SPSB1: variants seen among roughly 807,000 people sequenced by gnomAD.
SPSB1 encodes the protein SPRY domain-containing SOCS box protein 1.
A neutral mutation model predicts 21.2 loss-of-function variants in SPSB1; 8 were observed. That is an observed-to-expected ratio of 0.38 (90% CI 0.22 to 0.68). The LOEUF (loss-of-function observed/expected upper bound fraction) is 0.68, where lower values mean the gene tolerates loss of function less well. Ranked by LOEUF, SPSB1 falls within the 30% of genes least tolerant of loss-of-function variation. The pLI is 0.53. For synonymous variants in SPSB1, 169 were observed against 161.7 expected (o/e 1.05, Z -0.34); for missense variants, 242 against 377.8 (o/e 0.64, Z 2.98).
chr1:9,356,652 G>A lies in SPSB1; in HGVS notation c.694+67G>A. ...GTCCCCATGGTCCTGGCTGGGCTCA[G>A]GCCAAAAGTTGATTCATTGGAACTA... is the stretch of plus-strand genomic sequence containing the variant. On this transcript the variant is annotated intron_variant, in intron 2 of 2. Transcript: ENST00000328089. The surrounding 1 kb of genome is among the most constrained non-coding windows in gnomAD (Gnocchi z 7.4). 6.6e-7 allele frequency: 1 copy of A among 1,519,480 alleles called. No homozygotes were observed. Among genetic ancestry groups the A allele is most frequent in the Non-Finnish European group, 8.8e-7 (1 of 1,135,850 alleles). The allele number at this position is 1,519,480 out of a possible 1,614,324, so 94.1% of individuals were successfully genotyped here. A position where few individuals can be genotyped will look rare whatever the true frequency, so the allele number is the denominator to read the frequency against.
intron 1 of SPSB1, among the ~76,000 whole-genome samples, chr1:9,336,381 T>C (rs1011343208): frequency 6.6e-6 from 1 of 152,042 alleles, no homozygotes; most frequent in Non-Finnish European, 1.5e-5. Context: ...CACGCACCAC[T>C]ATGCCCGGCT....
chr1:9,342,443 G>A (rs1334229790), intron 1 of SPSB1, among the ~76,000 whole-genome samples: 1 of 152,234 alleles, frequency 6.6e-6, no homozygotes. Flanking sequence ...GGAGAGCACG[G>A]AGGATCCCAG....
intron 1 of SPSB1, among the ~76,000 whole-genome samples, chr1:9,351,972 C>T (rs1374852349): frequency 6.6e-6 from 1 of 152,190 alleles, no homozygotes; most frequent in South Asian, 2.1e-4. Flanking sequence ...CTGCCCTGCC[C>T]GGGGAAAACG....
intron 1 of SPSB1, among the ~76,000 whole-genome samples, chr1:9,320,332 C>T (rs914382127): frequency 2.0e-5 from 3 of 152,214 alleles, no homozygotes; most frequent in Non-Finnish European, 4.4e-5. Context: ...GTCTGTGTCG[C>T]CTCCTCCATC....
At chr1:9,310,754 T>TG (rs1305685972) in intron 1 of SPSB1, among the ~76,000 whole-genome samples, 1 of 151,260 alleles carries the variant, frequency 6.6e-6, no homozygotes, top group Non-Finnish European at 1.5e-5. Flanking sequence ...CCTCTGCAGA[T>TG]GGGGGTTGGG....
chr1:9,347,726 C>T (rs1384452908), intron 1 of SPSB1, among the ~76,000 whole-genome samples: 4 of 152,076 alleles, frequency 2.6e-5, no homozygotes. Flanking sequence ...GCATCTTCAT[C>T]CTCATGTCCC....
At chr1:9,302,429 A>G (rs565137781) in intron 1 of SPSB1, among the ~76,000 whole-genome samples, 43 of 152,314 alleles carry the variant, frequency 2.8e-4, no homozygotes, top group African/African-American at 1.0e-3. Context: ...GGACACTGGC[A>G]ATTGAGTCAC....
chr1:9,313,791 T>A (rs1209886724), intron 1 of SPSB1, among the ~76,000 whole-genome samples: 3 of 152,194 alleles, frequency 2.0e-5, no homozygotes, highest in African/African-American at 7.2e-5. Context: ...CCTCAGCAGG[T>A]GCTCAGTGAA....
chr1:9,303,667 G>A (rs1032240887), intron 1 of SPSB1, among the ~76,000 whole-genome samples: 6 of 152,218 alleles, frequency 3.9e-5, no homozygotes, highest in Admixed American at 6.5e-5. Flanking sequence ...CCTCTCTGGA[G>A]AAGGGATTAA....
At chr1:9,319,756 G>T (rs1418146330) in intron 1 of SPSB1, among the ~76,000 whole-genome samples, 3 of 152,198 alleles carry the variant, frequency 2.0e-5, no homozygotes, top group African/African-American at 7.2e-5. Flanking sequence ...GGGTACTACA[G>T]GGAAGTCGGC....
intron 1 of SPSB1, among the ~76,000 whole-genome samples, chr1:9,315,742 C>T (rs1277324207): frequency 3.9e-5 from 6 of 152,220 alleles, no homozygotes; most frequent in African/African-American, 1.4e-4. Context: ...GGAGCACAGG[C>T]AGCCCCACCT....
At chr1:9,304,162 T>C (rs570648780) in intron 1 of SPSB1, among the ~76,000 whole-genome samples, 6 of 152,292 alleles carry the variant, frequency 3.9e-5, no homozygotes, top group African/African-American at 1.4e-4. Context: ...CACTCGGATG[T>C]CACAACTCCA....
chr1:9,337,190 A>G (rs1053827115), intron 1 of SPSB1, among the ~76,000 whole-genome samples: 1 of 152,104 alleles, frequency 6.6e-6, no homozygotes, highest in Admixed American at 6.5e-5. Flanking sequence ...GAAACGGTCC[A>G]TTTATGTTAC....
chr1:9,367,418 C>A lies in SPSB1; in HGVS notation c.695-30C>A. 6.2e-7 allele frequency: 1 copy of A among 1,612,774 alleles called. No homozygotes were observed. Among genetic ancestry groups the A allele is most frequent in the Non-Finnish European group, 8.5e-7 (1 of 1,179,946 alleles). On this transcript the variant is annotated intron_variant, in intron 2 of 2. Coordinates refer to ENST00000328089, the MANE Select transcript of SPSB1 (RefSeq NM_025106.4). This position sits in a 1 kb window ranked among gnomAD's most constrained non-coding sequence, Gnocchi z 5.9. ...GTTTGCTGAACACCCACCCAAGCTG[C>A]GCTGACCTGCAGTTTCTCTGTCTCC...
rs1421241726 is a variant in SPSB1, at chr1:9,363,109, T to G, written c.695-4339T>G. Reference sequence around the variant, plus strand: ...CAGCTGAAATGGGGGCTGGGCATTTTTTCACGGCACGAAGCCCACGTCTGT... The same window carrying G: ...CAGCTGAAATGGGGGCTGGGCATTTGTTCACGGCACGAAGCCCACGTCTGT... On this transcript the variant is annotated intron_variant, in intron 2 of 2. Coordinates refer to ENST00000328089, the MANE Select transcript of SPSB1 (RefSeq NM_025106.4). This position sits in a 1 kb window ranked among gnomAD's most constrained non-coding sequence, Gnocchi z 4.5. Among the ~76,000 whole-genome samples the G allele has an allele frequency of 6.6e-6, 1 of 152,172 alleles. No individual in the cohort carries two copies. The highest frequency in any genetic ancestry group is 1.5e-5 in the Non-Finnish European group (1 of 68,032).
rs1458752204 is a variant in SPSB1, at chr1:9,355,985, T to C, written c.94T>C (p.Cys32Arg). 1.2e-6 allele frequency: 2 copies of C among 1,614,096 alleles called. No individual in the cohort carries two copies. Among genetic ancestry groups the C allele is most frequent in the Non-Finnish European group, 1.7e-6 (2 of 1,180,006 alleles). The change falls in exon 2 of 3, where the codon TGC (cysteine) becomes CGC (arginine). Residue 32 changes from cysteine (C) to arginine (R), a missense_variant. Physicochemically the swap from Cys to Arg is radical, Grantham distance 180. Coordinates refer to ENST00000328089, the MANE Select transcript of SPSB1 (RefSeq NM_025106.4). ...GCAGGAGCTCCAGGGTCTGGATTAC[T>C]GCAAGCCCACCCGGCTGGATCTGCT... The part of the protein sequence containing the change: ...LKQELQGLDY[C>R]KPTRLDLLLD...
chr1:9,300,637 G>C (rs1257957878), intron 1 of SPSB1, among the ~76,000 whole-genome samples: 1 of 152,208 alleles, frequency 6.6e-6, no homozygotes, highest in Admixed American at 6.5e-5. Flanking sequence ...CATGTGACCT[G>C]AGCTGCCCAT....
At chr1:9,313,403 A>G (rs551945426) in intron 1 of SPSB1, among the ~76,000 whole-genome samples, 5 of 152,260 alleles carry the variant, frequency 3.3e-5, no homozygotes, top group East Asian at 3.9e-4. Flanking sequence ...ACCGCTCTTC[A>G]TTTTCTATAA....
intron 1 of SPSB1, among the ~76,000 whole-genome samples, chr1:9,300,438 C>A (rs758220862): frequency 2.0e-5 from 3 of 152,168 alleles, no homozygotes; most frequent in African/African-American, 7.2e-5. Flanking sequence ...TTGAGGTCAG[C>A]GGCAGACAGG....
Sources: gnomAD v4.1 joint callset for allele counts (sites outside exome capture counted in the v4.1 genomes callset) on GRCh38, gnomAD v4.1.1 for gene constraint, Gnocchi (gnomAD v3.1) non-coding constraint, MANE v1.5 for transcripts, NCBI Gene and HGNC (gene_info 2026-07-23, HGNC 2026-07-21) for gene names.